The following GPR139 variants were observed in gnomAD, a reference collection of about 807,000 sequenced individuals.
GPR139 encodes the protein probable G protein-coupled receptor 139.
Under a neutral mutation model 25.8 loss-of-function variants are expected in GPR139, and 12 were observed. That is an observed-to-expected ratio of 0.47 (90% CI 0.30 to 0.75). The LOEUF (loss-of-function observed/expected upper bound fraction) is 0.75. Among genes scored for constraint, GPR139 ranks in the 30% least tolerant of loss-of-function variants. The pLI is 0.07. For synonymous variants in GPR139, 184 were observed against 179.9 expected (o/e 1.02, Z -0.18); for missense variants, 380 against 450.2 (o/e 0.84, Z 1.41).
chr16:20,032,250 G>A lies in GPR139; in HGVS notation c.547C>T (p.Leu183Phe), dbSNP rs746995178. 3.7e-6 allele frequency: 6 copies of A among 1,614,080 alleles called. No homozygotes were observed. The highest frequency in any genetic ancestry group is 1.3e-5 in the African/African-American group (1 of 74,926). Residue 183 changes from leucine (L) to phenylalanine (F), a missense_variant, in exon 2 of 2, where the codon CTC becomes TTC. Coordinates refer to ENST00000570682, the MANE Select transcript of GPR139 (RefSeq NM_001002911.4). ...DYISTSVHHV[L>F]IWIHCFTVYL... ...ACGGTGAAGCAGTGGATCCAGATGA[G>A]GACGTGATGCACAGAGGTGCTGATG... is the stretch of plus-strand genomic sequence containing the variant.
chr16:20,059,521 A>T (rs192989663), intron 1 of GPR139, among the ~76,000 whole-genome samples: 4 of 151,812 alleles, frequency 2.6e-5, no homozygotes, highest in African/African-American at 9.7e-5. Flanking sequence ...ACTTTGGAAC[A>T]CCCTTTCTTG....
At chr16:20,070,144 T>C (rs892124540) in intron 1 of GPR139, among the ~76,000 whole-genome samples, 3 of 152,232 alleles carry the variant, frequency 2.0e-5, no homozygotes, top group Non-Finnish European at 2.9e-5. Flanking sequence ...GTTTGCATGC[T>C]GGCTTGACTG....
At position 20,029,432 on chromosome 16, in the gene GPR139, G is replaced by A. The variant is rs2057278918; in HGVS notation, c.*2303C>T. 6.6e-6 allele frequency among the ~76,000 whole-genome samples: 1 copy of A among 151,530 alleles called. No individual in the cohort carries two copies. The highest frequency in any genetic ancestry group is 2.4e-5 in the African/African-American group (1 of 41,230). ...ATATTGCACTTTGACTCATTCATGT[G>A]TAGCTCAAACTAGCATTTTTCAGAG... On this transcript the variant is annotated 3_prime_UTR_variant, in exon 2 of 2. Coordinates refer to ENST00000570682, the MANE Select transcript of GPR139 (RefSeq NM_001002911.4).
At chr16:20,035,061 C>G (rs1048111166) in intron 1 of GPR139, among the ~76,000 whole-genome samples, 1 of 152,140 alleles carries the variant, frequency 6.6e-6, no homozygotes, top group Non-Finnish European at 1.5e-5. Flanking sequence ...TTAACAGACA[C>G]TGCTGAATTG....
intron 1 of GPR139, among the ~76,000 whole-genome samples, chr16:20,058,336 T>A (rs1596469940): frequency 3.0e-5 from 1 of 33,146 alleles, no homozygotes; most frequent in Non-Finnish European, 4.9e-5. Context: ...GGATGTGGAG[T>A]GTGTGTGTGT....
Position 20,032,406 on chromosome 16 carries a change from A to G in GPR139, c.391T>C (p.Cys131Arg). Residue 131 changes from cysteine to arginine, a missense_variant, in exon 2 of 2, where the codon TGC becomes CGC. By Grantham distance (180) the Cys-to-Arg change is radical (BLOSUM62 -3). Transcript: ENST00000570682. ...ACCGTGTGGTACTTGAGCGGGTGGCAGACAGCGATATACCTGTCAATGGTT... is the reference window on the plus strand; with the variant it reads ...ACCGTGTGGTACTTGAGCGGGTGGCGGACAGCGATATACCTGTCAATGGTT... ...PLTIDRYIAV[C>R]HPLKYHTVSY... is the part of the protein sequence containing the mutation. The G allele has an allele frequency of 6.2e-7, 1 of 1,614,242 alleles. No individual in the cohort carries two copies. The highest frequency in any genetic ancestry group is 8.5e-7 in the Non-Finnish European group (1 of 1,180,034).
Position 20,073,533 on chromosome 16 carries a change from C to T in GPR139, c.84G>A (p.Val28=), listed in dbSNP as rs2057468476. ...GCAAGAGGCTGTAGTAGACCACGGG[C>T]ACGAAACCCAAGCCGCAGGCCGAGC... ...SPGSACGLGF[V]PVVYYSLLLC... is the part of the protein sequence containing the mutation. Residue 28 remains valine, a synonymous_variant, in exon 1 of 2, where the codon GTG becomes GTA. Transcript: ENST00000570682. The surrounding 1 kb of genome is among the most constrained non-coding windows in gnomAD (Gnocchi z 4.7). The T allele has an allele frequency of 1.9e-6, 3 of 1,609,108 alleles. No individual in the cohort carries two copies. The highest frequency in any genetic ancestry group is 1.7e-6 in the Non-Finnish European group (2 of 1,178,054).
intron 1 of GPR139, among the ~76,000 whole-genome samples, chr16:20,044,410 G>C (rs1439162047): frequency 6.6e-6 from 1 of 152,136 alleles, no homozygotes; most frequent in Non-Finnish European, 1.5e-5. Context: ...TCCTTCTTAA[G>C]ACCTCAGTTT....
intron 1 of GPR139, among the ~76,000 whole-genome samples, chr16:20,059,735 A>G (rs1434410399): frequency 3.3e-5 from 5 of 152,182 alleles, no homozygotes; most frequent in Admixed American, 1.3e-4. Flanking sequence ...GCTCATGGAT[A>G]TGAGCTAAGT....
chr16:20,061,324 TGGATGG>T (rs1453712829), intron 1 of GPR139, among the ~76,000 whole-genome samples: 14 of 151,490 alleles, frequency 9.2e-5, no homozygotes, highest in Admixed American at 2.0e-4. Context: ...GATAGATGCG[TGGATGG>T]ATGGATGGGT....
intron 1 of GPR139, among the ~76,000 whole-genome samples, chr16:20,061,275 GTGGACAGATGGA>G (rs1477941292): frequency 2.7e-5 from 4 of 147,072 alleles, no homozygotes; most frequent in African/African-American, 1.0e-4. Flanking sequence ...GGATGGCTGT[GTGGACAGATGGA>G]TGGACAGATG....
At chr16:20,036,201 A>G (rs1367278955) in intron 1 of GPR139, among the ~76,000 whole-genome samples, 1 of 152,154 alleles carries the variant, frequency 6.6e-6, no homozygotes, top group Non-Finnish European at 1.5e-5. Context: ...CTCTGACCTA[A>G]TCATATATAG....
intron 1 of GPR139, among the ~76,000 whole-genome samples, chr16:20,047,124 T>A (rs113730833): frequency 6.6e-6 from 1 of 152,016 alleles, no homozygotes; most frequent in Non-Finnish European, 1.5e-5. Context: ...TTTTTTGTTT[T>A]TTTTGAGGTG....
chr16:20,041,096 T>G, intron 1 of GPR139, among the ~76,000 whole-genome samples: 1 of 116,448 alleles, frequency 8.6e-6, no homozygotes, highest in African/African-American at 3.5e-5. Flanking sequence ...GGCGACAGAG[T>G]GAGACTCTGA....
rs546864059 is a variant in GPR139, at chr16:20,069,229, A to G, written c.127+4261T>C. Among the ~76,000 whole-genome samples, 17 of 101,572 alleles carry G rather than the reference A, an allele frequency of 1.7e-4. 1 individual carries two copies. The South Asian group carries it at 4.6e-3, about 28-fold the overall frequency. 66.6% of individuals were successfully genotyped at this position (101,572 alleles called of 152,430 possible). A position where few individuals can be genotyped will look rare whatever the true frequency, so the allele number is the denominator to read the frequency against. ...TTGTGCTCAGTGCTTAGCCCATTTAATCTTCACAGCAACCCTATGAACTGT... is the reference window on the plus strand; with the variant it reads ...TTGTGCTCAGTGCTTAGCCCATTTAGTCTTCACAGCAACCCTATGAACTGT... On this transcript the variant is annotated intron_variant, in intron 1 of 1. Coordinates refer to ENST00000570682, the MANE Select transcript of GPR139 (RefSeq NM_001002911.4).
intron 1 of GPR139, among the ~76,000 whole-genome samples, chr16:20,050,505 A>G (rs957800513): frequency 6.6e-6 from 1 of 152,154 alleles, no homozygotes; most frequent in African/African-American, 2.4e-5. Context: ...CTTCTTGTGA[A>G]AATCAGAAGG....
At chr16:20,056,499 T>C (rs2057388833) in intron 1 of GPR139, among the ~76,000 whole-genome samples, 1 of 152,192 alleles carries the variant, frequency 6.6e-6, no homozygotes, top group South Asian at 2.1e-4. Flanking sequence ...AGCCCTGGGT[T>C]TGAGATCCAA....
intron 1 of GPR139, among the ~76,000 whole-genome samples, chr16:20,047,575 G>A (rs2057358619): frequency 1.3e-5 from 2 of 152,132 alleles, no homozygotes; most frequent in African/African-American, 4.8e-5. Flanking sequence ...ACGTGACATC[G>A]GGGGGAAAAT....
Position 20,032,548 on chromosome 16 carries a change from C to T in GPR139, c.249G>A (p.Val83=). The change falls in exon 2 of 2, where the codon GTG becomes GTA. Residue 83 remains valine (V), a synonymous_variant. Transcript: ENST00000570682. The stretch of plus-strand genomic sequence containing the variant: ...AGATGAAATCTTCCAACAGGAAGTC[C>T]ACAAACACTATGAAAAAGAGGACCA... The part of the protein sequence containing the change: ...DILVLFFIVF[V]DFLLEDFILN... 6.2e-7 allele frequency: 1 copy of T among 1,614,124 alleles called. No homozygotes were observed. Among genetic ancestry groups the T allele is most frequent in the Non-Finnish European group, 8.5e-7 (1 of 1,180,016 alleles).
Sources: gnomAD v4.1 joint callset for allele counts (sites outside exome capture counted in the v4.1 genomes callset) on GRCh38, gnomAD v4.1.1 for gene constraint, Gnocchi (gnomAD v3.1) non-coding constraint, MANE v1.5 for transcripts, NCBI Gene and HGNC (gene_info 2026-07-23, HGNC 2026-07-21) for gene names.